JAK1: variants seen among roughly 807,000 people sequenced by gnomAD.
The protein encoded by JAK1 is Janus kinase 1, also known as tyrosine-protein kinase JAK1.
JAK1 carries 16 observed loss-of-function variants against 136.6 expected under a neutral mutation model. That is an observed-to-expected ratio of 0.12 (90% CI 0.08 to 0.18). The LOEUF is 0.18. Ranked by LOEUF, JAK1 falls within the 10% of genes least tolerant of loss-of-function variation. JAK1 has a pLI of 1.00. For synonymous variants in JAK1, 492 were observed against 519.5 expected (o/e 0.95, Z 0.72); for missense variants, 859 against 1,450.1 (o/e 0.59, Z 6.62).
At chr1:64,926,681 T>C (rs1485759074) in intron 1 of JAK1, among the ~76,000 whole-genome samples, 5 of 152,172 alleles carry the variant, frequency 3.3e-5, no homozygotes, top group African/African-American at 9.7e-5. Context: ...ATTTTACTGA[T>C]GACGAAACTG....
intron 4 of JAK1, among the ~76,000 whole-genome samples, chr1:64,874,552 T>C (rs996720764): frequency 6.6e-6 from 1 of 152,110 alleles, no homozygotes; most frequent in African/African-American, 2.4e-5. Flanking sequence ...CCCCTAACCC[T>C]ACCTTCCATA....
At chr1:64,954,814 A>G (rs1646153506) in intron 1 of JAK1, among the ~76,000 whole-genome samples, 1 of 152,246 alleles carries the variant, frequency 6.6e-6, no homozygotes, top group Non-Finnish European at 1.5e-5. Flanking sequence ...ATAGCAACTA[A>G]AAACAGGCAA....
chr1:64,987,228 C>T (rs1470520029), intron 2 of JAK1: 2 of 152,170 alleles, frequency 1.3e-5, no homozygotes, highest in African/African-American at 4.8e-5. Flanking sequence ...ACAATCCATT[C>T]TATTTTGCTT....
intron 2 of JAK1, among the ~76,000 whole-genome samples, chr1:64,975,046 A>T (rs1646486243): frequency 6.6e-6 from 1 of 151,074 alleles, no homozygotes; most frequent in Non-Finnish European, 1.5e-5. Context: ...AGTAGCTGGG[A>T]TTACAAGCAT....
chr1:64,976,275 C>T (rs570280364), intron 2 of JAK1, among the ~76,000 whole-genome samples: 2 of 152,298 alleles, frequency 1.3e-5, no homozygotes, highest in South Asian at 2.1e-4. Context: ...GAAGTCAGCT[C>T]CTCTGGGTGG....
chr1:64,890,653 A>G (rs1470414491), intron 1 of JAK1, among the ~76,000 whole-genome samples: 1 of 152,222 alleles, frequency 6.6e-6, no homozygotes, highest in Non-Finnish European at 1.5e-5. Flanking sequence ...TTCATCAAGT[A>G]CCTACAATGC....
intron 8 of JAK1, among the ~76,000 whole-genome samples, chr1:64,860,597 G>A (rs1219286286): frequency 6.6e-6 from 1 of 151,804 alleles, no homozygotes; most frequent in African/African-American, 2.4e-5. Context: ...GGGATTACAG[G>A]CACCTGCCAT....
intron 9 of JAK1, among the ~76,000 whole-genome samples, chr1:64,858,271 T>C (rs1313446559): frequency 6.6e-6 from 1 of 152,162 alleles, no homozygotes; most frequent in East Asian, 1.9e-4. Context: ...CTGTCTTACA[T>C]TTCTTTGTAT....
At chr1:64,935,730 T>A (rs76246080) in intron 1 of JAK1, among the ~76,000 whole-genome samples, 1 of 152,214 alleles carries the variant, frequency 6.6e-6, no homozygotes, top group Admixed American at 6.5e-5. Flanking sequence ...GAATACTTGA[T>A]GTGCTACCAC....
chr1:64,986,965 A>AT (rs1171010196), intron 2 of JAK1, among the ~76,000 whole-genome samples: 1 of 152,156 alleles, frequency 6.6e-6, no homozygotes, highest in Non-Finnish European at 1.5e-5. Flanking sequence ...TTATTTTATT[A>AT]TTAGCAGGGA....
chr1:64,989,415 G>A (rs1646634249), intron 2 of JAK1: 1 of 151,990 alleles, frequency 6.6e-6, no homozygotes, highest in Non-Finnish European at 1.5e-5. Context: ...ATTTTTATTT[G>A]CTGTTATTCC....
rs1644781541 is a variant in JAK1 at position 64,882,045 on chromosome 1, T to C, written c.205+1232A>G. Among the ~76,000 whole-genome samples, 3 of 152,328 alleles carry C rather than the reference T, an allele frequency of 2.0e-5. No homozygotes were observed. In the South Asian group the frequency reaches 6.2e-4, roughly 32 times the overall value. Reference sequence around the variant, plus strand: ...GTCTAAAGATGGTTATTTGTACACATTGCGGCCTAGTCAAAATAACTTGAC... The same window carrying C: ...GTCTAAAGATGGTTATTTGTACACACTGCGGCCTAGTCAAAATAACTTGAC... On this transcript the variant is annotated intron_variant, in intron 3 of 24. Transcript: ENST00000342505.
intron 1 of JAK1, among the ~76,000 whole-genome samples, chr1:64,959,223 A>C (rs1460628872): frequency 6.6e-6 from 1 of 152,254 alleles, no homozygotes; most frequent in Non-Finnish European, 1.5e-5. Flanking sequence ...CCAGTCCAAC[A>C]TATACATCAC....
intron 1 of JAK1, among the ~76,000 whole-genome samples, chr1:65,059,795 T>A (rs970569885): frequency 6.6e-6 from 1 of 152,190 alleles, no homozygotes; most frequent in Non-Finnish European, 1.5e-5. Context: ...AAAATAATTA[T>A]GTTTTCATTA....
chr1:64,835,139 C>T (rs1435077173), intron 24 of JAK1, among the ~76,000 whole-genome samples: 1 of 152,118 alleles, frequency 6.6e-6, no homozygotes, highest in Non-Finnish European at 1.5e-5. Flanking sequence ...AAAACCTGTC[C>T]CTCTGGGGCA....
chr1:64,984,013 G>A lies in JAK1; in HGVS notation c.-78+60467C>T, dbSNP rs144135552. On this transcript the variant is annotated intron_variant, in intron 2 of 25. Transcript: ENST00000671954. This position sits in a 1 kb window ranked among gnomAD's most constrained non-coding sequence, Gnocchi z 4.1. ...AAATTCTCCTTATTGCACCTTAACC[G>A]CTCCAGCATCAAATCTTCTACTCTA... 0.01 allele frequency among the ~76,000 whole-genome samples: 1,573 copies of A among 152,042 alleles called. 31 individuals are homozygous for A. The highest frequency in any genetic ancestry group is 0.035 in the African/African-American group (1,447 of 41,438).
chr1:65,064,012 T>C (rs1321727980), intron 1 of JAK1, among the ~76,000 whole-genome samples: 5 of 152,252 alleles, frequency 3.3e-5, no homozygotes, highest in East Asian at 1.9e-4. Context: ...CATCTGAACA[T>C]GGAATCAACA....
At chr1:65,035,470 C>A (rs1053468067) in intron 2 of JAK1, among the ~76,000 whole-genome samples, 4 of 152,172 alleles carry the variant, frequency 2.6e-5, no homozygotes, top group Non-Finnish European at 5.9e-5. Flanking sequence ...ACTTGACCTT[C>A]AGTGCTGACT....
chr1:65,014,490 A>C (rs566952376), intron 2 of JAK1, among the ~76,000 whole-genome samples: 1 of 152,070 alleles, frequency 6.6e-6, no homozygotes, highest in Non-Finnish European at 1.5e-5. Flanking sequence ...AAAAATTCTC[A>C]CTCAAATTCA....
Sources: gnomAD v4.1 joint callset for allele counts (sites outside exome capture counted in the v4.1 genomes callset) on GRCh38, gnomAD v4.1.1 for gene constraint, Gnocchi (gnomAD v3.1) non-coding constraint, MANE v1.5 for transcripts, NCBI Gene and HGNC (gene_info 2026-07-23, HGNC 2026-07-21) for gene names.